The following RB1 variants were observed in gnomAD, a reference collection of about 807,000 sequenced individuals.
The protein encoded by RB1 is RB transcriptional corepressor 1.
A neutral mutation model predicts 135.4 loss-of-function variants in RB1; 18 were observed. The ratio of observed to expected loss-of-function variants is 0.13; its 90% CI spans 0.09 to 0.20. RB1 has a LOEUF of 0.20. RB1 is among the 10% of genes least tolerant of loss of function. The pLI, the probability that RB1 is intolerant of heterozygous loss-of-function variation, is 1.00. For missense variants in RB1, 868 were observed against 1,110.0 expected, an observed-to-expected ratio of 0.78 and a Z score of 3.10; for synonymous variants, 365 against 373.2, an observed-to-expected ratio of 0.98 and a Z score of 0.25.
chr13:48,347,409 C>T (rs1952507986), intron 4 of RB1, among the ~76,000 whole-genome samples: 1 of 151,990 alleles, frequency 6.6e-6, no homozygotes, highest in Non-Finnish European at 1.5e-5. Flanking sequence ...TGGGCTTTGC[C>T]CTGCAGGCAG....
At chr13:48,432,095 G>A (rs1450908182) in intron 17 of RB1, among the ~76,000 whole-genome samples, 1 of 152,136 alleles carries the variant, frequency 6.6e-6, no homozygotes, top group Non-Finnish European at 1.5e-5. Flanking sequence ...GAAAAAGGGG[G>A]TGGGCTTTTA....
intron 23 of RB1, among the ~76,000 whole-genome samples, chr13:48,466,810 A>C (rs1294476222): frequency 1.5e-5 from 1 of 65,826 alleles, no homozygotes; most frequent in Admixed American, 1.7e-4. Context: ...GGGTATCAGC[A>C]ATGGAAGATG....
intron 17 of RB1, among the ~76,000 whole-genome samples, chr13:48,400,084 C>G (rs1346177944): frequency 6.6e-6 from 1 of 152,056 alleles, no homozygotes; most frequent in Non-Finnish European, 1.5e-5. Flanking sequence ...GTAGGTAGCT[C>G]ATAGAAACTT....
intron 17 of RB1, among the ~76,000 whole-genome samples, chr13:48,406,918 G>T (rs1948745391): frequency 6.6e-6 from 1 of 150,426 alleles, no homozygotes; most frequent in South Asian, 2.1e-4. Context: ...AACAAACAGG[G>T]TTCTTACCCT....
intron 17 of RB1, among the ~76,000 whole-genome samples, chr13:48,414,323 GGCGACA>G (rs1948871310): frequency 6.6e-6 from 1 of 150,948 alleles, no homozygotes; most frequent in Non-Finnish European, 1.5e-5. Flanking sequence ...CTCCAGCCTG[GGCGACA>G]GCGAGACTAT....
chr13:48,429,931 A>T (rs1168995063), intron 17 of RB1, among the ~76,000 whole-genome samples: 1 of 152,236 alleles, frequency 6.6e-6, no homozygotes, highest in African/African-American at 2.4e-5. Flanking sequence ...ATACTTGAAC[A>T]TGTGCCAGGC....
chr13:48,453,044 A>G lies in RB1; in HGVS notation c.1747A>G (p.Thr583Ala), dbSNP rs781151884. Residue 583 changes from threonine (T) to alanine (A), a missense_variant, in exon 18 of 27, where the codon ACT becomes GCT. Thr to Ala is a moderately conservative substitution (Grantham distance 58, BLOSUM62 0). Transcript: ENST00000267163. ...ACAATCAAAGGACCGAGAAGGACCA[A>G]CTGATCACCTTGAATCTGCTTGTCC... ...IKQSKDREGP[T>A]DHLESACPLN... 3 of 1,613,206 alleles carry G rather than the reference A, an allele frequency of 1.9e-6. No individual in the cohort carries two copies. The highest frequency in any genetic ancestry group is 1.1e-5 in the South Asian group (1 of 91,076).
intron 17 of RB1, among the ~76,000 whole-genome samples, chr13:48,422,067 C>T (rs1243258866): frequency 6.6e-6 from 1 of 152,150 alleles, no homozygotes; most frequent in Non-Finnish European, 1.5e-5. Flanking sequence ...CACATGCACA[C>T]ATATGCTTAT....
At chr13:48,425,487 T>C (rs1949066798) in intron 17 of RB1, among the ~76,000 whole-genome samples, 1 of 152,164 alleles carries the variant, frequency 6.6e-6, no homozygotes, top group South Asian at 2.1e-4. Flanking sequence ...CTTTCAAAAA[T>C]TTTTCACCTA....
chr13:48,367,422 A>G (rs554851948), intron 9 of RB1, 72 bp from the exon 10 acceptor site: 13 of 1,522,678 alleles, frequency 8.5e-6, no homozygotes, highest in Non-Finnish European at 1.2e-5. Flanking sequence ...CTTTAATGAA[A>G]TCTGTGCCTC....
At chr13:48,395,254 C>T (rs375387646) in intron 17 of RB1, among the ~76,000 whole-genome samples, 194 of 152,232 alleles carry the variant, frequency 1.3e-3, no homozygotes, top group Middle Eastern at 6.8e-3. Flanking sequence ...TCATCAACAT[C>T]AAAGACCAAA....
intron 17 of RB1, among the ~76,000 whole-genome samples, chr13:48,382,164 TA>T (rs1948541339): frequency 6.6e-6 from 1 of 152,220 alleles, no homozygotes; most frequent in Non-Finnish European, 1.5e-5. Flanking sequence ...AGTGCCACAA[TA>T]AACATACGTG....
intron 26 of RB1, among the ~76,000 whole-genome samples, chr13:48,479,431 G>A (rs1428586299): frequency 6.6e-6 from 1 of 152,162 alleles, no homozygotes; most frequent in African/African-American, 2.4e-5. Context: ...CTAGAATAGT[G>A]GCCTACAAAA....
In RB1 at chr13:48,319,138, C is replaced by A. The variant is rs1178296686; in HGVS notation, c.264+11732C>A. On this transcript the variant is annotated intron_variant, in intron 2 of 26. Coordinates refer to ENST00000267163, the MANE Select transcript of RB1 (RefSeq NM_000321.3). The surrounding 1 kb of genome is among the most constrained non-coding windows in gnomAD (Gnocchi z 5.0). ...CTGGAGGCGGAGCTTTGGTTTCCTT[C>A]GGGAGCTTGTGGGGAATGGTCAGCG... 2 of 606,042 alleles carry A rather than the reference C, an allele frequency of 3.3e-6. No homozygotes were observed. The highest frequency in any genetic ancestry group is 6.0e-6 in the Non-Finnish European group (2 of 332,182). 37.5% of individuals were successfully genotyped at this position (606,042 alleles called of 1,614,324 possible). A position where few individuals can be genotyped will look rare whatever the true frequency, so the allele number is the denominator to read the frequency against.
chr13:48,324,420 A>G (rs569473503), intron 2 of RB1, among the ~76,000 whole-genome samples: 11 of 120,360 alleles, frequency 9.1e-5, no homozygotes, highest in African/African-American at 3.6e-4. Flanking sequence ...CTCTGTCTCC[A>G]TGAGTTCAAT....
intron 17 of RB1, among the ~76,000 whole-genome samples, chr13:48,393,665 T>G (rs535520581): frequency 2.0e-5 from 3 of 152,324 alleles, no homozygotes; most frequent in Non-Finnish European, 4.4e-5. Context: ...TCATTTCCGC[T>G]TCCTTGTGTT....
chr13:48,430,597 G>A (rs953688251), intron 17 of RB1, among the ~76,000 whole-genome samples: 4 of 152,040 alleles, frequency 2.6e-5, no homozygotes, highest in Non-Finnish European at 4.4e-5. Context: ...AAAATTAGCT[G>A]GGCATGGTGG....
At chr13:48,464,554 A>C (rs995920354) in intron 21 of RB1, among the ~76,000 whole-genome samples, 5 of 152,232 alleles carry the variant, frequency 3.3e-5, no homozygotes, top group Non-Finnish European at 7.3e-5. Context: ...ATGTATACTG[A>C]AACCCTTATA....
chr13:48,345,034 A>T (rs758239290), intron 3 of RB1, 46 bp from the exon 4 acceptor site: 290 of 1,583,608 alleles, frequency 1.8e-4, no homozygotes, highest in Non-Finnish European at 2.4e-4. Context: ...AATAACACAA[A>T]TTTTTAAGGT....
Sources: allele counts gnomAD v4.1 joint callset (sites outside exome capture counted in the v4.1 genomes callset), GRCh38; gene constraint gnomAD v4.1.1; non-coding constraint Gnocchi (gnomAD v3.1); transcripts MANE v1.5; gene names NCBI Gene and HGNC (gene_info 2026-07-23, HGNC 2026-07-21).